Variants in CPNE4 observed in about 807,000 individuals in gnomAD.
CPNE4 encodes the protein copine 4.
A neutral mutation model predicts 67.9 loss-of-function variants in CPNE4; 25 were observed. The ratio of observed to expected loss-of-function variants is 0.37; its 90% CI spans 0.27 to 0.51. CPNE4 has a LOEUF of 0.51. CPNE4 is among the 20% of genes least tolerant of loss of function. CPNE4 has a pLI of 0.93. For missense variants in CPNE4, 464 were observed against 690.8 expected, an observed-to-expected ratio of 0.67 and a Z score of 3.68; for synonymous variants, 242 against 244.9, an observed-to-expected ratio of 0.99 and a Z score of 0.11.
At chr3:131,617,647 C>A (rs79962587) in intron 7 of CPNE4, among the ~76,000 whole-genome samples, 6,904 of 152,222 alleles carry the variant, frequency 0.045, 511 homozygotes, top group African/African-American at 0.15. Context: ...TAGCAGAGGC[C>A]CATCCTTAAG....
At chr3:131,680,462 A>C (rs1188214742) in intron 6 of CPNE4, among the ~76,000 whole-genome samples, 1 of 151,916 alleles carries the variant, frequency 6.6e-6, no homozygotes, top group Admixed American at 6.6e-5. Context: ...TAAAAACACT[A>C]CACTTTAACT....
At chr3:131,848,148 A>G (rs937496524) in intron 2 of CPNE4, among the ~76,000 whole-genome samples, 2 of 152,202 alleles carry the variant, frequency 1.3e-5, no homozygotes, top group African/African-American at 4.8e-5. Context: ...TCTGCAATTC[A>G]GGAAATCCTT....
chr3:131,571,940 C>G (rs1388401971), intron 10 of CPNE4, among the ~76,000 whole-genome samples: 2 of 151,220 alleles, frequency 1.3e-5, no homozygotes, highest in Non-Finnish European at 3.0e-5. Flanking sequence ...TATAGTGGTA[C>G]ATAAATACTT....
intron 7 of CPNE4, among the ~76,000 whole-genome samples, chr3:131,594,376 A>T (rs1938718643): frequency 6.6e-6 from 1 of 152,254 alleles, no homozygotes; most frequent in Admixed American, 6.5e-5. Flanking sequence ...AACAGAATAG[A>T]GAGGCCAAAA....
intron 1 of CPNE4, among the ~76,000 whole-genome samples, chr3:131,916,122 G>A (rs906760981): frequency 1.5e-4 from 23 of 152,202 alleles, no homozygotes; most frequent in African/African-American, 5.5e-4. Context: ...GTTCCTGAAC[G>A]AGAGAGAAAA....
intron 2 of CPNE4, among the ~76,000 whole-genome samples, chr3:131,854,584 G>A (rs1240010753): frequency 6.6e-6 from 1 of 151,788 alleles, no homozygotes; most frequent in South Asian, 2.1e-4. Flanking sequence ...AAATCCCAAA[G>A]AGGAAAAATT....
chr3:132,014,802 G>T (rs1216433864), intron 1 of CPNE4, among the ~76,000 whole-genome samples: 2 of 152,086 alleles, frequency 1.3e-5, no homozygotes, highest in Non-Finnish European at 2.9e-5. Flanking sequence ...AATTATTTTA[G>T]TATTATATAC....
chr3:131,829,343 T>C (rs1268744578), intron 2 of CPNE4, among the ~76,000 whole-genome samples: 2 of 152,220 alleles, frequency 1.3e-5, no homozygotes, highest in African/African-American at 4.8e-5. Flanking sequence ...AGAACTTATA[T>C]AGAATATCTT....
At chr3:131,602,635 C>T (rs2107726959) in intron 7 of CPNE4, among the ~76,000 whole-genome samples, 1 of 152,256 alleles carries the variant, frequency 6.6e-6, no homozygotes, top group Middle Eastern at 3.4e-3. Flanking sequence ...TAACTTCACA[C>T]CTCACTACTC....
chr3:131,545,349 G>T (rs1200891259), intron 14 of CPNE4, among the ~76,000 whole-genome samples: 1 of 152,150 alleles, frequency 6.6e-6, no homozygotes, highest in East Asian at 1.9e-4. Context: ...TAAACTAGGG[G>T]TTCTTAACCT....
chr3:131,923,042 G>T (rs541273990), intron 1 of CPNE4, among the ~76,000 whole-genome samples: 1 of 152,256 alleles, frequency 6.6e-6, no homozygotes, highest in South Asian at 2.1e-4. Context: ...AAAACAAATA[G>T]GTTTAATTAT....
intron 7 of CPNE4, 132 bp from the exon 8 acceptor site, chr3:131,587,714 T>C: frequency 1.5e-6 from 1 of 656,212 alleles, no homozygotes; most frequent in Non-Finnish European, 2.7e-6. Flanking sequence ...GAGTCTAAGA[T>C]TGGAGCATAT....
At chr3:131,829,723 G>T (rs1328949130) in intron 2 of CPNE4, among the ~76,000 whole-genome samples, 1 of 152,208 alleles carries the variant, frequency 6.6e-6, no homozygotes. Flanking sequence ...TAAATCAGAA[G>T]TGACAACTCT....
At chr3:131,999,396 G>A (rs1175840861) in intron 1 of CPNE4, among the ~76,000 whole-genome samples, 1 of 152,024 alleles carries the variant, frequency 6.6e-6, no homozygotes, top group African/African-American at 2.4e-5. Context: ...GAATAAGCAT[G>A]CAGTAACATA....
intron 2 of CPNE4, among the ~76,000 whole-genome samples, chr3:131,752,742 T>A (rs1019352633): frequency 2.0e-5 from 3 of 152,210 alleles, no homozygotes; most frequent in African/African-American, 7.2e-5. Flanking sequence ...GAAATTTGTA[T>A]AATCAGTTGG....
intron 2 of CPNE4, among the ~76,000 whole-genome samples, chr3:131,763,808 ATTTAT>A (rs2082947045): frequency 6.6e-6 from 1 of 152,150 alleles, no homozygotes; most frequent in Non-Finnish European, 1.5e-5. Flanking sequence ...ATACTTAGAA[ATTTAT>A]TTTAAGAAAT....
intron 7 of CPNE4, among the ~76,000 whole-genome samples, chr3:131,610,697 C>A (rs749858058): frequency 1.3e-5 from 2 of 152,170 alleles, no homozygotes; most frequent in Non-Finnish European, 2.9e-5. Context: ...TTCCACTCTC[C>A]TATCCGTTAT....
chr3:131,938,326 C>T (rs2071286202), intron 1 of CPNE4, among the ~76,000 whole-genome samples: 1 of 151,310 alleles, frequency 6.6e-6, no homozygotes, highest in African/African-American at 2.4e-5. Context: ...CACTGCACTC[C>T]AGCCTGCGTG....
chr3:131,797,781 A>G (rs751153336), intron 2 of CPNE4, among the ~76,000 whole-genome samples: 3 of 152,082 alleles, frequency 2.0e-5, no homozygotes, highest in Non-Finnish European at 4.4e-5. Context: ...TTACATCAAA[A>G]CTCACTGAAT....
Sources: gnomAD v4.1 joint callset for allele counts (sites outside exome capture counted in the v4.1 genomes callset) on GRCh38, gnomAD v4.1.1 for gene constraint, MANE v1.5 for transcripts, NCBI Gene and HGNC (gene_info 2026-07-23, HGNC 2026-07-21) for gene names.